Variants in SLC35F3 observed in about 807,000 individuals in gnomAD.
SLC35F3 encodes solute carrier family 35 member F3, also known as putative thiamine transporter SLC35F3.
In SLC35F3, 25 loss-of-function variants were observed where a neutral mutation model predicts 49.9. That is an observed-to-expected ratio of 0.50 (90% CI 0.37 to 0.70). SLC35F3 has a LOEUF of 0.70. Among genes scored for constraint, SLC35F3 ranks in the 30% least tolerant of loss-of-function variants. The pLI, the probability that SLC35F3 is intolerant of heterozygous loss-of-function variation, is 0.00. For missense variants in SLC35F3, 525 were observed against 639.8 expected, an observed-to-expected ratio of 0.82 and a Z score of 1.94; for synonymous variants, 275 against 265.4, an observed-to-expected ratio of 1.04 and a Z score of -0.35.
At chr1:234,295,097 T>C (rs1668571336) in intron 3 of SLC35F3, among the ~76,000 whole-genome samples, 1 of 152,254 alleles carries the variant, frequency 6.6e-6, no homozygotes, top group Non-Finnish European at 1.5e-5. Flanking sequence ...AGTGCCTCGC[T>C]GTCCCAGCTG....
At chr1:234,001,088 A>G (rs1031282622) in intron 2 of SLC35F3, among the ~76,000 whole-genome samples, 2 of 152,228 alleles carry the variant, frequency 1.3e-5, no homozygotes, top group African/African-American at 2.4e-5. Flanking sequence ...GTGCAGCCAC[A>G]TGACACATCT....
At chr1:234,211,506 C>A (rs997707067) in intron 2 of SLC35F3, among the ~76,000 whole-genome samples, 1 of 152,214 alleles carries the variant, frequency 6.6e-6, no homozygotes, top group African/African-American at 2.4e-5. Context: ...GGAACCCCCC[C>A]CTTACATTGG....
chr1:234,232,456 G>A (rs1054382995), intron 3 of SLC35F3, among the ~76,000 whole-genome samples: 17 of 129,584 alleles, frequency 1.3e-4, no homozygotes, highest in African/African-American at 4.8e-4. Context: ...AGAGCATCTC[G>A]TGTTTCCCCA....
At chr1:234,182,780 T>C (rs1464333337) in intron 2 of SLC35F3, among the ~76,000 whole-genome samples, 1 of 152,204 alleles carries the variant, frequency 6.6e-6, no homozygotes, top group African/African-American at 2.4e-5. Flanking sequence ...TGAGAAATCA[T>C]ATTAGTGCAG....
At chr1:234,100,313 A>T (rs1308930953) in intron 2 of SLC35F3, among the ~76,000 whole-genome samples, 2 of 152,226 alleles carry the variant, frequency 1.3e-5, no homozygotes, top group Admixed American at 6.5e-5. Flanking sequence ...GCCGAGAAAC[A>T]GTCCCTCAGG....
intron 3 of SLC35F3, among the ~76,000 whole-genome samples, chr1:234,248,940 C>T (rs1667691702): frequency 6.6e-6 from 1 of 152,188 alleles, no homozygotes; most frequent in South Asian, 2.1e-4. Context: ...GTGAGGGATC[C>T]TCCAGGTTTC....
intron 3 of SLC35F3, among the ~76,000 whole-genome samples, chr1:234,293,491 G>A (rs542260752): frequency 5.9e-5 from 9 of 152,312 alleles, no homozygotes; most frequent in Admixed American, 2.0e-4. Context: ...TCTCTGATCC[G>A]CATCACATGC....
intron 3 of SLC35F3, among the ~76,000 whole-genome samples, chr1:234,255,899 C>G (rs907718569): frequency 6.6e-6 from 1 of 152,070 alleles, no homozygotes; most frequent in Non-Finnish European, 1.5e-5. Flanking sequence ...ACCAAAAACC[C>G]TACAAATCCA....
intron 2 of SLC35F3, among the ~76,000 whole-genome samples, chr1:234,009,574 A>C (rs953844992): frequency 6.6e-6 from 1 of 152,204 alleles, no homozygotes; most frequent in Admixed American, 6.5e-5. Context: ...GTACCTCCCA[A>C]CCACCCTACT....
At chr1:234,092,760 C>T (rs1018520214) in intron 2 of SLC35F3, among the ~76,000 whole-genome samples, 11 of 151,954 alleles carry the variant, frequency 7.2e-5, no homozygotes, top group East Asian at 1.9e-4. Flanking sequence ...CCCAGCTACT[C>T]GGGAAGCTGA....
At chr1:234,002,612 T>C (rs542121510) in intron 2 of SLC35F3, among the ~76,000 whole-genome samples, 154 of 152,308 alleles carry the variant, frequency 1.0e-3, no homozygotes, top group Non-Finnish European at 1.5e-3. Flanking sequence ...ACAGTTGACG[T>C]TGGCCTTGAT....
intron 2 of SLC35F3, among the ~76,000 whole-genome samples, chr1:234,204,205 T>G (rs902602258): frequency 6.6e-6 from 1 of 152,186 alleles, no homozygotes; most frequent in African/African-American, 2.4e-5. Context: ...ATCAGTTTAT[T>G]TTTTAGAAAA....
At chr1:234,134,428 G>A (rs1262316934) in intron 2 of SLC35F3, among the ~76,000 whole-genome samples, 4 of 147,908 alleles carry the variant, frequency 2.7e-5, no homozygotes, top group Admixed American at 2.7e-4. Flanking sequence ...GTATATTCGT[G>A]TAAATTATAT....
intron 2 of SLC35F3, among the ~76,000 whole-genome samples, chr1:234,164,495 G>T (rs1289896920): frequency 6.6e-6 from 1 of 151,894 alleles, no homozygotes; most frequent in African/African-American, 2.4e-5. Context: ...TAGCAGCTGA[G>T]CAAGTACCAT....
At chr1:233,987,408 T>A (rs1663282810) in intron 2 of SLC35F3, among the ~76,000 whole-genome samples, 1 of 152,170 alleles carries the variant, frequency 6.6e-6, no homozygotes, top group Non-Finnish European at 1.5e-5. Flanking sequence ...ATTCTAAGTA[T>A]CAATTTATTT....
At chr1:234,189,884 A>T (rs1423634846) in intron 2 of SLC35F3, among the ~76,000 whole-genome samples, 2 of 152,214 alleles carry the variant, frequency 1.3e-5, no homozygotes, top group African/African-American at 4.8e-5. Context: ...CAGAAACCAT[A>T]CAAGCTAGAA....
At chr1:234,033,033 T>G (rs1320036590) in intron 2 of SLC35F3, among the ~76,000 whole-genome samples, 1 of 152,186 alleles carries the variant, frequency 6.6e-6, no homozygotes, top group Non-Finnish European at 1.5e-5. Flanking sequence ...ATCTTTTTTT[T>G]TTTAATTATG....
intron 2 of SLC35F3, among the ~76,000 whole-genome samples, chr1:234,100,466 G>A (rs899142602): frequency 6.6e-6 from 1 of 152,322 alleles, no homozygotes. Context: ...CAAGAAGCTG[G>A]TGTTGCCTTG....
intron 2 of SLC35F3, among the ~76,000 whole-genome samples, chr1:234,108,653 ATATT>A (rs1665336892): frequency 9.9e-6 from 1 of 101,448 alleles, no homozygotes; most frequent in Non-Finnish European, 2.0e-5. Context: ...AAAGATACAT[ATATT>A]TATATATATA....
Sources: allele counts gnomAD v4.1 joint callset (sites outside exome capture counted in the v4.1 genomes callset), GRCh38; gene constraint gnomAD v4.1.1; transcripts MANE v1.5; gene names NCBI Gene and HGNC (gene_info 2026-07-23, HGNC 2026-07-21).